The following FNDC3B variants were observed in gnomAD, a reference collection of about 807,000 sequenced individuals.
FNDC3B encodes the protein fibronectin type III domain-containing protein 3B.
Under a neutral mutation model 151.5 loss-of-function variants are expected in FNDC3B, and 12 were observed. The observed-to-expected ratio is 0.08, with a 90% CI of 0.05 to 0.13. The LOEUF (loss-of-function observed/expected upper bound fraction) is 0.13, where lower values mean the gene tolerates loss of function less well. Among genes scored for constraint, FNDC3B ranks in the 10% least tolerant of loss-of-function variants. The pLI, the probability that FNDC3B is intolerant of heterozygous loss-of-function variation, is 1.00. For missense variants in FNDC3B, 1,214 were observed against 1,505.3 expected (o/e 0.81, Z 3.20); for synonymous variants, 528 against 549.0 (o/e 0.96, Z 0.54).
chr3:172,176,970 G>C (rs1386304874), intron 3 of FNDC3B, among the ~76,000 whole-genome samples: 1 of 152,130 alleles, frequency 6.6e-6, no homozygotes, highest in African/African-American at 2.4e-5. Context: ...AAAACCTAAG[G>C]GGTAAGGGGG....
intron 6 of FNDC3B, among the ~76,000 whole-genome samples, chr3:172,278,351 T>C (rs1729537344): frequency 6.6e-6 from 1 of 152,202 alleles, no homozygotes; most frequent in Non-Finnish European, 1.5e-5. Context: ...ATTACCTTTG[T>C]AAGTTGTTCT....
At chr3:172,369,790 T>A (rs1734794659) in intron 23 of FNDC3B, among the ~76,000 whole-genome samples, 1 of 152,178 alleles carries the variant, frequency 6.6e-6, no homozygotes, top group African/African-American at 2.4e-5. Context: ...TGCTTCTCCA[T>A]AGACATGGTC....
chr3:172,066,722 C>T (rs148545986), intron 1 of FNDC3B, among the ~76,000 whole-genome samples: 120 of 152,188 alleles, frequency 7.9e-4, no homozygotes, highest in African/African-American at 2.6e-3. Context: ...TTTGTGTTTT[C>T]GAAGAAAATG....
chr3:172,205,880 A>G (rs1725396948), intron 3 of FNDC3B, among the ~76,000 whole-genome samples: 1 of 152,212 alleles, frequency 6.6e-6, no homozygotes, highest in Non-Finnish European at 1.5e-5. Context: ...ATTGTGGTCT[A>G]GTAGATAGGG....
intron 9 of FNDC3B, among the ~76,000 whole-genome samples, chr3:172,303,607 G>T (rs1731043476): frequency 6.6e-6 from 1 of 151,894 alleles, no homozygotes; most frequent in African/African-American, 2.4e-5. Flanking sequence ...TCTTTTCTTG[G>T]GATAAATGCA....
intron 1 of FNDC3B, among the ~76,000 whole-genome samples, chr3:172,097,704 C>T (rs1333344285): frequency 6.6e-6 from 1 of 152,184 alleles, no homozygotes; most frequent in Non-Finnish European, 1.5e-5. Flanking sequence ...TATAATCTGA[C>T]TGTGTAAATT....
rs1010777463 is a variant in FNDC3B at position 172,112,554 on chromosome 3, G to C, written c.75G>C (p.Met25Ile). The C allele has an allele frequency of 4.3e-6, 7 of 1,614,106 alleles. No individual in the cohort carries two copies. The highest frequency in any genetic ancestry group is 5.9e-6 in the Non-Finnish European group (7 of 1,179,940). The change falls in exon 2 of 26, where the codon ATG (methionine) becomes ATC (isoleucine). Residue 25 changes from methionine to isoleucine, a missense_variant. Coordinates refer to ENST00000415807, the MANE Select transcript of FNDC3B (RefSeq NM_022763.4). ...LPPLLNGEVA[M>I]MPHLVNGDAA... Reference sequence around the variant, plus strand: ...CATTGCTGAACGGAGAGGTAGCCATGATGCCCCACTTGGTGAATGGAGATG... The same window carrying C: ...CATTGCTGAACGGAGAGGTAGCCATCATGCCCCACTTGGTGAATGGAGATG...
chr3:172,139,109 A>G (rs1458006497), intron 3 of FNDC3B, among the ~76,000 whole-genome samples: 3 of 151,830 alleles, frequency 2.0e-5, no homozygotes, highest in African/African-American at 7.3e-5. Context: ...GTCAGCATCC[A>G]GAATGTCACA....
chr3:172,362,276 C>T (rs954576123), intron 22 of FNDC3B, among the ~76,000 whole-genome samples: 2 of 152,202 alleles, frequency 1.3e-5, no homozygotes, highest in Non-Finnish European at 2.9e-5. Context: ...CTCTTGATAG[C>T]TCACCTACTT....
chr3:172,201,845 T>C (rs1227480478), intron 3 of FNDC3B, among the ~76,000 whole-genome samples: 1 of 152,214 alleles, frequency 6.6e-6, no homozygotes, highest in Non-Finnish European at 1.5e-5. Context: ...TTTAGTGTAA[T>C]TGTGTCCCAT....
chr3:172,281,211 A>ATTATT (rs1560055062), intron 6 of FNDC3B, among the ~76,000 whole-genome samples: 46 of 135,020 alleles, frequency 3.4e-4, no homozygotes, highest in African/African-American at 1.2e-3. Flanking sequence ...TATTATTATT[A>ATTATT]TTTATATTTA....
In FNDC3B at chr3:172,181,827, CAAAAAAAAAAAAAA is replaced by C. The variant is rs747723219; in HGVS notation, c.188-45033_188-45020del. The stretch of plus-strand genomic sequence containing the variant: ...CTGGTGACAGAGCAAGACTCCATCT[CAAAAAAAAAAAAAA>C]AAAAAAAAAAGATTTTCAGTGGGAG... On this transcript the variant is annotated intron_variant, in intron 3 of 25. Transcript: ENST00000415807. 8.1e-5 allele frequency among the ~76,000 whole-genome samples: 5 copies of C among 61,600 alleles called. 1 individual carries two copies. In the South Asian group the frequency reaches 3.5e-3, roughly 43 times the overall value. The allele number at this position is 61,600 out of a possible 152,430, so 40.4% of individuals were successfully genotyped here. A position where few individuals can be genotyped will look rare whatever the true frequency, so the allele number is the denominator to read the frequency against.
chr3:172,371,325 T>C (rs1734871585), intron 23 of FNDC3B, among the ~76,000 whole-genome samples: 1 of 152,228 alleles, frequency 6.6e-6, no homozygotes, highest in Non-Finnish European at 1.5e-5. Context: ...TCAGTATAGA[T>C]GCAAGCATCC....
At chr3:172,311,122 A>G (rs9828206) in intron 11 of FNDC3B, among the ~76,000 whole-genome samples, 3,981 of 152,336 alleles carry the variant, frequency 0.026, 152 homozygotes, top group African/African-American at 0.079. Context: ...TGAAAGAAAA[A>G]AAGTGGGGTC....
chr3:172,286,059 C>A, intron 7 of FNDC3B, 75 bp downstream of exon 7: 2 of 1,057,150 alleles, frequency 1.9e-6, no homozygotes, highest in East Asian at 2.4e-5. Flanking sequence ...TTTTTTCCAC[C>A]ACACAGTAGG....
At position 172,289,219 on chromosome 3, in the gene FNDC3B, C is replaced by T. The variant is rs114686281; in HGVS notation, c.849+3235C>T. Among the ~76,000 whole-genome samples the T allele has an allele frequency of 6.1e-3, 931 of 152,284 alleles. 9 individuals carry two copies. Among genetic ancestry groups the T allele is most frequent in the African/African-American group, 0.022 (895 of 41,540 alleles). On this transcript the variant is annotated intron_variant, in intron 7 of 25. Transcript: ENST00000415807. ...TCTAAAGGCAGCCTGCATCCCTTGGCTTTGTCTGCAAAGTCAGCAGCCATA... is the reference window on the plus strand; with the variant it reads ...TCTAAAGGCAGCCTGCATCCCTTGGTTTTGTCTGCAAAGTCAGCAGCCATA...
intron 3 of FNDC3B, among the ~76,000 whole-genome samples, chr3:172,220,608 T>A (rs548425640): frequency 6.6e-6 from 1 of 152,332 alleles, no homozygotes; most frequent in East Asian, 1.9e-4. Flanking sequence ...AAGATTTACT[T>A]CTGTTTTCTT....
At position 172,289,039 on chromosome 3, in the gene FNDC3B, T is replaced by C. The variant is rs1730177028; in HGVS notation, c.849+3055T>C. 2.0e-5 allele frequency among the ~76,000 whole-genome samples: 3 copies of C among 152,348 alleles called. No individual in the cohort carries two copies. In the South Asian group the frequency reaches 6.2e-4, roughly 32 times the overall value. On this transcript the variant is annotated intron_variant, in intron 7 of 25. Transcript: ENST00000415807. The stretch of plus-strand genomic sequence containing the variant: ...GCTGCTGTAATGATTTACCACAAAT[T>C]GAATGGCGTAAAACAGTACAAATTT...
Position 172,112,625 on chromosome 3 carries a change from G to A in FNDC3B, c.111+35G>A, listed in dbSNP as rs371439976. The A allele has an allele frequency of 2.7e-5, 36 of 1,354,148 alleles. No individual in the cohort carries two copies. The African/African-American group carries it at 4.2e-4, about 16-fold the overall frequency. 83.9% of individuals were successfully genotyped at this position (1,354,148 alleles called of 1,614,324 possible). A position where few individuals can be genotyped will look rare whatever the true frequency, so the allele number is the denominator to read the frequency against. Reference sequence around the variant, plus strand: ...GGAAGAGGGAAATTTAAGTCAAATTGTCTAAGTGGGAAACAGTAACACAGT... The same window carrying A: ...GGAAGAGGGAAATTTAAGTCAAATTATCTAAGTGGGAAACAGTAACACAGT... On this transcript the variant is annotated intron_variant, in intron 2 of 25. Coordinates refer to ENST00000415807, the MANE Select transcript of FNDC3B (RefSeq NM_022763.4).
Sources: gnomAD v4.1 joint callset for allele counts (sites outside exome capture counted in the v4.1 genomes callset) on GRCh38, gnomAD v4.1.1 for gene constraint, MANE v1.5 for transcripts, NCBI Gene and HGNC (gene_info 2026-07-23, HGNC 2026-07-21) for gene names.